Variants in PRKD1 observed in about 807,000 individuals in gnomAD.
PRKD1 encodes protein kinase D1.
Under a neutral mutation model 95.9 loss-of-function variants are expected in PRKD1, and 63 were observed. That is an observed-to-expected ratio of 0.66 (90% CI 0.54 to 0.81). The LOEUF (loss-of-function observed/expected upper bound fraction) is 0.81, where lower values mean the gene tolerates loss of function less well. PRKD1 is among the 30% of genes least tolerant of loss of function. The pLI, the probability that PRKD1 is intolerant of heterozygous loss-of-function variation, is 0.00. For synonymous variants in PRKD1, 425 were observed against 423.1 expected, an observed-to-expected ratio of 1.00 and a Z score of -0.05; for missense variants, 1,048 against 1,165.3, an observed-to-expected ratio of 0.90 and a Z score of 1.47.
At chr14:29,702,122 A>G (rs1041667321) in intron 2 of PRKD1, among the ~76,000 whole-genome samples, 1 of 152,158 alleles carries the variant, frequency 6.6e-6, no homozygotes, top group Non-Finnish European at 1.5e-5. Flanking sequence ...TAATCCAAGA[A>G]TGTATCACAG....
intron 1 of PRKD1, among the ~76,000 whole-genome samples, chr14:29,804,018 G>A (rs1338338304): frequency 6.6e-6 from 1 of 152,046 alleles, no homozygotes; most frequent in Non-Finnish European, 1.5e-5. Flanking sequence ...GAGGGGGGCG[G>A]ATCACCTGAG....
intron 1 of PRKD1, among the ~76,000 whole-genome samples, chr14:29,884,750 A>C (rs969480723): frequency 2.6e-5 from 4 of 152,234 alleles, no homozygotes; most frequent in Non-Finnish European, 5.9e-5. Context: ...AAGGAGGCTG[A>C]GGATGCAGAG....
At chr14:29,605,067 T>C (rs1893656699) in intron 13 of PRKD1, among the ~76,000 whole-genome samples, 1 of 152,142 alleles carries the variant, frequency 6.6e-6, no homozygotes, top group African/African-American at 2.4e-5. Flanking sequence ...ACCTCCTTCA[T>C]CTCTCACACT....
intron 1 of PRKD1, among the ~76,000 whole-genome samples, chr14:29,865,092 C>T (rs922827709): frequency 2.6e-5 from 4 of 152,116 alleles, no homozygotes; most frequent in Admixed American, 2.0e-4. Flanking sequence ...CAATGTATAT[C>T]TATATTATCA....
chr14:29,923,703 C>T (rs959392053), intron 1 of PRKD1, among the ~76,000 whole-genome samples: 3 of 147,876 alleles, frequency 2.0e-5, no homozygotes, highest in Non-Finnish European at 3.0e-5. Context: ...CATTTAAGTA[C>T]ATTTAAGAGT....
intron 1 of PRKD1, among the ~76,000 whole-genome samples, chr14:29,908,467 C>T (rs1019559840): frequency 3.3e-5 from 5 of 151,642 alleles, no homozygotes; most frequent in African/African-American, 9.7e-5. Flanking sequence ...CTAATTTTTC[C>T]GTAGAGACGG....
Position 29,876,712 on chromosome 14 carries a change from C to A in PRKD1, c.264+50537G>T, listed in dbSNP as rs1290356549. Among the ~76,000 whole-genome samples the A allele has an allele frequency of 1.1e-4, 15 of 142,774 alleles. 1 individual carries two copies. Among genetic ancestry groups the A allele is most frequent in the African/African-American group, 3.7e-4 (13 of 35,614 alleles). The allele number at this position is 142,774 out of a possible 152,430, so 93.7% of individuals were successfully genotyped here. On this transcript the variant is annotated intron_variant, in intron 1 of 17. Transcript: ENST00000331968. ...AAAAACTCCAACTCTACAGCAAAAACAAACAAACAAAAAAAAACAAAAAAA... is the reference window on the plus strand; with the variant it reads ...AAAAACTCCAACTCTACAGCAAAAAAAAACAAACAAAAAAAAACAAAAAAA...
At chr14:29,606,888 C>G (rs1878015225) in intron 13 of PRKD1, among the ~76,000 whole-genome samples, 1 of 152,176 alleles carries the variant, frequency 6.6e-6, no homozygotes, top group South Asian at 2.1e-4. Flanking sequence ...AGCTTAATTT[C>G]AGGAGCAAGT....
chr14:29,682,187 A>T (rs929846183), intron 2 of PRKD1, among the ~76,000 whole-genome samples: 4 of 152,206 alleles, frequency 2.6e-5, no homozygotes, highest in African/African-American at 9.6e-5. Context: ...GGTTTTTGTT[A>T]TACTAGGTCA....
At chr14:29,597,362 G>T in intron 16 of PRKD1, 129 bp downstream of exon 16, 1 of 965,968 alleles carries the variant, frequency 1.0e-6, no homozygotes, top group Non-Finnish European at 1.4e-6. Flanking sequence ...GTGTCTTTGT[G>T]TCTCCACTCT....
At chr14:29,578,583 A>T (rs910946520) in intron 16 of PRKD1, among the ~76,000 whole-genome samples, 9 of 149,200 alleles carry the variant, frequency 6.0e-5, no homozygotes, top group Non-Finnish European at 1.3e-4. Flanking sequence ...AAGAAGTTGG[A>T]AGTAATTATG....
At chr14:29,672,184 T>C (rs913770294) in intron 2 of PRKD1, among the ~76,000 whole-genome samples, 2 of 150,742 alleles carry the variant, frequency 1.3e-5, no homozygotes, top group Non-Finnish European at 2.9e-5. Flanking sequence ...CCACTAAAAA[T>C]ACAAAAATTG....
intron 1 of PRKD1, among the ~76,000 whole-genome samples, chr14:29,820,796 A>G (rs1379885519): frequency 6.6e-6 from 1 of 152,234 alleles, no homozygotes. Flanking sequence ...GAAGGGAGAA[A>G]AGGAATAGCA....
chr14:29,692,280 A>C (rs946764436), intron 2 of PRKD1, among the ~76,000 whole-genome samples: 5 of 151,776 alleles, frequency 3.3e-5, no homozygotes, highest in African/African-American at 1.2e-4. Flanking sequence ...TGGAGACTTT[A>C]GTCCAAGTGC....
chr14:29,586,064 G>A (rs569425860), intron 16 of PRKD1, among the ~76,000 whole-genome samples: 12 of 152,322 alleles, frequency 7.9e-5, no homozygotes, highest in African/African-American at 2.2e-4. Context: ...ATGGCTGCTA[G>A]GCAATCCAAT....
chr14:29,713,860 C>T (rs189446338), intron 2 of PRKD1, among the ~76,000 whole-genome samples: 138 of 152,214 alleles, frequency 9.1e-4, no homozygotes, highest in African/African-American at 3.2e-3. Flanking sequence ...CTGTGGTATT[C>T]AAACACTAAA....
chr14:29,812,056 ACC>A (rs966384898), intron 1 of PRKD1: 2 of 152,118 alleles, frequency 1.3e-5, no homozygotes, highest in Admixed American at 1.3e-4. Flanking sequence ...ATACACACAC[ACC>A]CCCAAACCCA....
intron 1 of PRKD1, among the ~76,000 whole-genome samples, chr14:29,751,881 T>C (rs1887493958): frequency 6.6e-6 from 1 of 152,216 alleles, no homozygotes; most frequent in African/African-American, 2.4e-5. Flanking sequence ...AACCTGACAC[T>C]ACTACGTAAA....
In PRKD1 at chr14:29,623,889, C is replaced by T. The variant is rs188695498; in HGVS notation, c.1905+263G>A. ...ATGGTCTCAGCATGTCCACTATGAG[C>T]AAATGCTGAAATATTACCCATTTAA... On this transcript the variant is annotated intron_variant, in intron 13 of 17. Transcript: ENST00000331968. Among the ~76,000 whole-genome samples, 362 of 152,138 alleles carry T rather than the reference C, an allele frequency of 2.4e-3. 1 individual carries two copies. Among genetic ancestry groups the T allele is most frequent in the Middle Eastern group, 6.8e-3 (2 of 294 alleles).
Sources: gnomAD v4.1 joint callset for allele counts (sites outside exome capture counted in the v4.1 genomes callset) on GRCh38, gnomAD v4.1.1 for gene constraint, MANE v1.5 for transcripts, NCBI Gene and HGNC (gene_info 2026-07-23, HGNC 2026-07-21) for gene names.